The following WWC1 variants were observed in gnomAD, a reference collection of about 807,000 sequenced individuals.
The protein encoded by WWC1 is WW and C2 domain containing 1, also known as protein KIBRA.
WWC1 carries 55 observed loss-of-function variants against 138.4 expected under a neutral mutation model. The observed-to-expected ratio is 0.40, with a 90% CI of 0.32 to 0.50. The LOEUF is 0.50. Ranked by LOEUF, WWC1 falls within the 20% of genes least tolerant of loss-of-function variation. The pLI is 0.72. For missense variants in WWC1, 1,226 were observed against 1,420.4 expected (o/e 0.86, Z 2.20); for synonymous variants, 524 against 564.9 (o/e 0.93, Z 1.03).
chr5:168,388,469 T>C (rs769678468), intron 3 of WWC1, among the ~76,000 whole-genome samples: 57 of 151,900 alleles, frequency 3.8e-4, no homozygotes, highest in Non-Finnish European at 5.3e-4. Flanking sequence ...TTTATGAAGA[T>C]GCATGTGGCA....
chr5:168,414,442 G>A lies in WWC1; in HGVS notation c.1036G>A (p.Glu346Lys), dbSNP rs1393935788. 3.2e-6 allele frequency: 5 copies of A among 1,584,208 alleles called. No individual in the cohort carries two copies. The highest frequency in any genetic ancestry group is 2.3e-5 in the South Asian group (2 of 87,150). ...GAGGGACCGGCTGATCCTTATCAAC[G>A]AGAAGGAGGAGCTGCTGAAGGAGAT... is the stretch of plus-strand genomic sequence containing the variant. ...SERDRLILIN[E>K]KEELLKEMRF... is the part of the protein sequence containing the mutation. The change falls in exon 9 of 23, where the codon GAG (glutamate) becomes AAG (lysine). Residue 346 changes from glutamate (E) to lysine (K), a missense_variant. This residue lies in a region of WWC1 where 1,016 missense variants were observed against 1,153.9 expected (regional missense o/e 0.88). Coordinates refer to ENST00000265293, the MANE Select transcript of WWC1 (RefSeq NM_015238.3).
At chr5:168,409,853 G>A in intron 7 of WWC1, 69 bp from the exon 8 acceptor site, 2 of 1,516,198 alleles carry the variant, frequency 1.3e-6, no homozygotes, top group South Asian at 1.1e-5. Flanking sequence ...TCTCTCATGA[G>A]CCCTCGAAAC....
intron 1 of WWC1, among the ~76,000 whole-genome samples, chr5:168,365,570 G>A (rs1289502787): frequency 6.6e-6 from 1 of 152,146 alleles, no homozygotes; most frequent in African/African-American, 2.4e-5. Flanking sequence ...GCCCACCGTG[G>A]TCTCATGTCC....
intron 17 of WWC1, among the ~76,000 whole-genome samples, chr5:168,445,262 C>T (rs1356221713): frequency 2.0e-5 from 3 of 151,552 alleles, no homozygotes; most frequent in African/African-American, 4.9e-5. Flanking sequence ...TGCAGTGAGC[C>T]GAGATTGCAC....
At chr5:168,321,156 C>T (rs979487578) in intron 1 of WWC1, among the ~76,000 whole-genome samples, 1 of 152,126 alleles carries the variant, frequency 6.6e-6, no homozygotes, top group African/African-American at 2.4e-5. Flanking sequence ...CCCCCTCATC[C>T]CAGAGATACC....
In WWC1 at chr5:168,356,033, G is replaced by A. The variant is rs1775384557; in HGVS notation, c.120-15391G>A. Among the ~76,000 whole-genome samples the A allele has an allele frequency of 2.0e-5, 3 of 152,188 alleles. No homozygotes were observed. The South Asian group carries it at 6.2e-4, about 32-fold the overall frequency. On this transcript the variant is annotated intron_variant, in intron 1 of 22. Coordinates refer to ENST00000265293, the MANE Select transcript of WWC1 (RefSeq NM_015238.3). ...TAGGGGCTTCTGGAAAGCCCCAGGTGAAGGTTCAGTCCATGGCCTGTGAAC... is the reference window on the plus strand; with the variant it reads ...TAGGGGCTTCTGGAAAGCCCCAGGTAAAGGTTCAGTCCATGGCCTGTGAAC...
At chr5:168,397,888 G>A in intron 4 of WWC1, 88 bp downstream of exon 4, 5 of 1,429,788 alleles carry the variant, frequency 3.5e-6, no homozygotes, top group Middle Eastern at 4.0e-4. Flanking sequence ...CAGAACAGAT[G>A]CTCCAGCCAG....
chr5:168,423,502 T>A lies in WWC1; in HGVS notation c.1275-31T>A, dbSNP rs113134911. On this transcript the variant is annotated intron_variant, in intron 10 of 22. Coordinates refer to ENST00000265293, the MANE Select transcript of WWC1 (RefSeq NM_015238.3). The stretch of plus-strand genomic sequence containing the variant: ...CAGGGGGCCCACTTCACTGTGTGCA[T>A]CTCACTGTCCTTCCCCTCCCTGTGT... The A allele has an allele frequency of 1.2e-3, 1,970 of 1,585,110 alleles. 26 individuals carry two copies. The African/African-American group carries it at 0.024, about 19-fold the overall frequency.
chr5:168,294,917 C>T (rs923899123), intron 1 of WWC1, among the ~76,000 whole-genome samples: 1 of 152,180 alleles, frequency 6.6e-6, no homozygotes, highest in African/African-American at 2.4e-5. Flanking sequence ...TGAGCCACCA[C>T]GCTTGGCCTT....
intron 1 of WWC1, among the ~76,000 whole-genome samples, chr5:168,312,307 T>C (rs1024383845): frequency 6.6e-6 from 1 of 152,164 alleles, no homozygotes; most frequent in African/African-American, 2.4e-5. Context: ...CTAACCATCA[T>C]ACCAACCTTC....
At chr5:168,323,710 G>A (rs72822623) in intron 1 of WWC1, among the ~76,000 whole-genome samples, 23,710 of 152,122 alleles carry the variant, frequency 0.16, 1,977 homozygotes, top group African/African-American at 0.18. Flanking sequence ...AAAAGAAAAT[G>A]TATTTGAAGA....
At chr5:168,359,441 G>C (rs532186017) in intron 1 of WWC1, among the ~76,000 whole-genome samples, 1 of 152,270 alleles carries the variant, frequency 6.6e-6, no homozygotes, top group East Asian at 1.9e-4. Context: ...TTTTATTGCT[G>C]AGTAGTATTC....
Position 168,385,289 on chromosome 5 carries a change from C to G in WWC1, c.308C>G (p.Ala103Gly). The G allele has an allele frequency of 1.2e-6, 2 of 1,614,028 alleles. No individual in the cohort carries two copies. The highest frequency in any genetic ancestry group is 8.5e-7 in the Non-Finnish European group (1 of 1,179,996). The stretch of plus-strand genomic sequence containing the variant: ...ATGCTGAAGGATTACCTGGTGGTGG[C>G]CCAGGAGGCTCTGAGTGCACAAAAG... ...EHMLKDYLVV[A>G]QEALSAQKEI... The change falls in exon 3 of 23, where the codon GCC becomes GGC. Residue 103 changes from alanine to glycine, a missense_variant. Coordinates refer to ENST00000265293, the MANE Select transcript of WWC1 (RefSeq NM_015238.3).
intron 1 of WWC1, among the ~76,000 whole-genome samples, chr5:168,368,045 A>G (rs1321036841): frequency 4.0e-5 from 6 of 151,392 alleles, no homozygotes; most frequent in Non-Finnish European, 7.4e-5. Context: ...TTCTCAGAGT[A>G]TATTGAGAGC....
chr5:168,393,507 C>T, intron 3 of WWC1, among the ~76,000 whole-genome samples: 1 of 152,192 alleles, frequency 6.6e-6, no homozygotes, highest in African/African-American at 2.4e-5. Context: ...ACCTAGAATT[C>T]TATATCCAGC....
At position 168,428,806 on chromosome 5, in the gene WWC1, G is replaced by A. The variant is rs1781717898; in HGVS notation, c.2000+19G>A. The A allele has an allele frequency of 1.2e-6, 2 of 1,613,278 alleles. No individual in the cohort carries two copies. The highest frequency in any genetic ancestry group is 1.1e-5 in the South Asian group (1 of 91,046). ...CCCTGAAGTAAGTGACGAGGACGAG[G>A]AGGACAGAAGGAACGGTCTGTGTGG... On this transcript the variant is annotated intron_variant, in intron 13 of 22. Transcript: ENST00000265293.
At chr5:168,352,717 G>A (rs1389258402) in intron 1 of WWC1, among the ~76,000 whole-genome samples, 2 of 151,584 alleles carry the variant, frequency 1.3e-5, no homozygotes, top group African/African-American at 4.9e-5. Flanking sequence ...CAAAGTAGTT[G>A]GGATTACAGA....
chr5:168,415,844 GT>G (rs1780602083), intron 9 of WWC1: 1 of 132,292 alleles, frequency 7.6e-6, no homozygotes, highest in Non-Finnish European at 1.5e-5. Context: ...GTGTGTGTGT[GT>G]GTGTGTGGCA....
rs763470128 is a variant in WWC1 at position 168,414,343 on chromosome 5, C to G, written c.942-5C>G. On this transcript the variant is annotated splice_region_variant and splice_polypyrimidine_tract_variant and intron_variant, in intron 8 of 22. Coordinates refer to ENST00000265293, the MANE Select transcript of WWC1 (RefSeq NM_015238.3). Reference sequence around the variant, plus strand: ...ACCAGTCATGCTTGCTTTCTTGGCCCCCAGGATCGCCAACCTGAAGATCCA... The same window carrying G: ...ACCAGTCATGCTTGCTTTCTTGGCCGCCAGGATCGCCAACCTGAAGATCCA... 1 of 1,612,470 alleles carries G rather than the reference C, an allele frequency of 6.2e-7. No individual in the cohort carries two copies. The highest frequency in any genetic ancestry group is 1.1e-5 in the South Asian group (1 of 90,574).
Sources: gnomAD v4.1 joint callset for allele counts (sites outside exome capture counted in the v4.1 genomes callset) on GRCh38, gnomAD v4.1.1 for gene constraint, gnomAD v4.1.1 regional missense constraint, MANE v1.5 for transcripts, NCBI Gene and HGNC (gene_info 2026-07-23, HGNC 2026-07-21) for gene names.